The following ME1 variants were observed in gnomAD, a reference collection of about 807,000 sequenced individuals.
The protein encoded by ME1 is NADP-dependent malic enzyme.
A neutral mutation model predicts 66.4 loss-of-function variants in ME1; 74 were observed. The observed-to-expected ratio is 1.11, with a 90% CI of 0.92 to 1.35. ME1 has a LOEUF of 1.35. Among genes scored for constraint, ME1 ranks in the 40% most tolerant of loss-of-function variants. ME1 has a pLI of 0.00. For missense variants in ME1, 750 were observed against 694.1 expected, an observed-to-expected ratio of 1.08 and a Z score of -0.90; for synonymous variants, 251 against 235.6, an observed-to-expected ratio of 1.07 and a Z score of -0.60.
At chr6:83,305,437 G>A (rs1583369463) in intron 6 of ME1, among the ~76,000 whole-genome samples, 1 of 152,086 alleles carries the variant, frequency 6.6e-6, no homozygotes, top group Admixed American at 6.5e-5. Flanking sequence ...GGGTAGTCAG[G>A]GTAAACCTCA....
intron 6 of ME1, among the ~76,000 whole-genome samples, chr6:83,292,536 G>GC (rs1767523145): frequency 1.3e-5 from 2 of 152,290 alleles, no homozygotes; most frequent in Non-Finnish European, 2.9e-5. Flanking sequence ...GTGTCTGTCA[G>GC]CCCCTACTGG....
chr6:83,312,866 T>G (rs1767957149), intron 6 of ME1, among the ~76,000 whole-genome samples: 2 of 152,172 alleles, frequency 1.3e-5, no homozygotes, highest in Non-Finnish European at 2.9e-5. Context: ...GCAATTCTCG[T>G]CTCTCAGCCT....
At chr6:83,315,627 A>G (rs1458517864) in intron 5 of ME1, among the ~76,000 whole-genome samples, 1 of 152,192 alleles carries the variant, frequency 6.6e-6, no homozygotes, top group Non-Finnish European at 1.5e-5. Flanking sequence ...GGTCAGGAGC[A>G]GTGGCTCACG....
At chr6:83,358,937 G>T (rs1247535833) in intron 3 of ME1, among the ~76,000 whole-genome samples, 1 of 150,964 alleles carries the variant, frequency 6.6e-6, no homozygotes, top group Non-Finnish European at 1.5e-5. Flanking sequence ...CTTTAATGTT[G>T]AAAATGCAAA....
chr6:83,307,912 T>A (rs1284501079), intron 6 of ME1, among the ~76,000 whole-genome samples: 1 of 152,160 alleles, frequency 6.6e-6, no homozygotes, highest in East Asian at 1.9e-4. Flanking sequence ...CTGGCCATGA[T>A]AATTCACAGG....
At chr6:83,270,800 A>G (rs570983486) in intron 6 of ME1, among the ~76,000 whole-genome samples, 10 of 152,252 alleles carry the variant, frequency 6.6e-5, no homozygotes, top group Admixed American at 5.2e-4. Context: ...AGATTACTGA[A>G]AAGACTACAC....
At chr6:83,382,702 G>A (rs1769429039) in intron 3 of ME1, among the ~76,000 whole-genome samples, 1 of 151,942 alleles carries the variant, frequency 6.6e-6, no homozygotes, top group African/African-American at 2.4e-5. Flanking sequence ...TTAATCAATA[G>A]GGAAAGGTCC....
At chr6:83,250,074 T>C (rs2128527672) in intron 7 of ME1, among the ~76,000 whole-genome samples, 1 of 152,270 alleles carries the variant, frequency 6.6e-6, no homozygotes, top group African/African-American at 2.4e-5. Context: ...ATGATACATT[T>C]ACAGTATTAA....
At chr6:83,247,084 A>C (rs1407541063) in intron 7 of ME1, among the ~76,000 whole-genome samples, 1 of 152,164 alleles carries the variant, frequency 6.6e-6, no homozygotes, top group African/African-American at 2.4e-5. Context: ...ATTTACAAAA[A>C]TGTAGCCTAA....
At chr6:83,391,290 A>T (rs983324255) in intron 3 of ME1, among the ~76,000 whole-genome samples, 1 of 152,164 alleles carries the variant, frequency 6.6e-6, no homozygotes, top group Admixed American at 6.5e-5. Context: ...GTAAGTAAAA[A>T]TAGGCTACCT....
chr6:83,372,476 G>C (rs1769208210), intron 3 of ME1, among the ~76,000 whole-genome samples: 1 of 152,154 alleles, frequency 6.6e-6, no homozygotes, highest in East Asian at 1.9e-4. Flanking sequence ...GGTTCTCCAA[G>C]ATTGATCCAC....
intron 1 of ME1, among the ~76,000 whole-genome samples, chr6:83,417,526 G>A (rs942114453): frequency 1.6e-4 from 24 of 152,106 alleles, no homozygotes; most frequent in Non-Finnish European, 2.5e-4. Context: ...GACTACAGGC[G>A]CGTGCCACCA....
chr6:83,237,723 T>G lies in ME1; in HGVS notation c.1020A>C (p.Ile340=). The stretch of plus-strand genomic sequence containing the variant: ...AAAAATGACAAATTCTTACCTTAAC[T>G]ATTAATCCTTTTGAATCAACCAGCC... ...KIWLVDSKGL[I]VKGRASLTQE... The change falls in exon 9 of 14, where the codon ATA becomes ATC. Residue 340 remains isoleucine, a synonymous_variant. Coordinates refer to ENST00000369705, the MANE Select transcript of ME1 (RefSeq NM_002395.6). The G allele has an allele frequency of 1.9e-6, 3 of 1,573,238 alleles. No homozygotes were observed. Among genetic ancestry groups the G allele is most frequent in the Non-Finnish European group, 2.6e-6 (3 of 1,149,628 alleles).
chr6:83,272,631 G>A (rs1230112487), intron 6 of ME1, among the ~76,000 whole-genome samples: 2 of 152,110 alleles, frequency 1.3e-5, no homozygotes, highest in East Asian at 3.8e-4. Context: ...GAAAGGCAAT[G>A]CAGTCAGCTA....
At chr6:83,365,805 A>T (rs1769091674) in intron 3 of ME1, among the ~76,000 whole-genome samples, 1 of 152,150 alleles carries the variant, frequency 6.6e-6, no homozygotes, top group African/African-American at 2.4e-5. Context: ...TCTACCTATA[A>T]ACTTCCTTCC....
intron 4 of ME1, among the ~76,000 whole-genome samples, chr6:83,350,095 T>C (rs1384869857): frequency 6.6e-6 from 1 of 152,186 alleles, no homozygotes; most frequent in East Asian, 1.9e-4. Flanking sequence ...TGCTTAATAA[T>C]TGCCTTTATT....
intron 6 of ME1, among the ~76,000 whole-genome samples, chr6:83,297,699 T>C (rs1457798128): frequency 6.6e-6 from 1 of 152,156 alleles, no homozygotes; most frequent in Admixed American, 6.5e-5. Flanking sequence ...CACCTAAGTA[T>C]TAAGCCCCGC....
At chr6:83,214,903 T>C (rs1465851576) in intron 13 of ME1, among the ~76,000 whole-genome samples, 5 of 152,178 alleles carry the variant, frequency 3.3e-5, no homozygotes, top group African/African-American at 9.6e-5. Flanking sequence ...TTATTCTAGG[T>C]GTGATATCTG....
intron 6 of ME1, among the ~76,000 whole-genome samples, chr6:83,259,153 G>A (rs1766835572): frequency 6.6e-6 from 1 of 152,020 alleles, no homozygotes; most frequent in South Asian, 2.1e-4. Flanking sequence ...ATTACATATG[G>A]AACATTCAAG....
Sources: allele counts gnomAD v4.1 joint callset (sites outside exome capture counted in the v4.1 genomes callset), GRCh38; gene constraint gnomAD v4.1.1; transcripts MANE v1.5; gene names NCBI Gene and HGNC (gene_info 2026-07-23, HGNC 2026-07-21).